The following TRDMT1 variants were observed in gnomAD, a reference collection of about 807,000 sequenced individuals.
TRDMT1 encodes tRNA (cytosine(38)-C(5))-methyltransferase.
Under a neutral mutation model 51.2 loss-of-function variants are expected in TRDMT1, and 49 were observed. That is an observed-to-expected ratio of 0.96 (90% confidence interval 0.76 to 1.21). The LOEUF is 1.21. TRDMT1 is among the 50% of genes most tolerant of loss of function. TRDMT1 has a pLI of 0.00. For synonymous variants in TRDMT1, 187 were observed against 164.6 expected, an observed-to-expected ratio of 1.14 and a Z score of -1.04; for missense variants, 534 against 462.3, an observed-to-expected ratio of 1.16 and a Z score of -1.42.
chr10:17,144,679 C>T lies in TRDMT1; in HGVS notation c.*4361G>A, dbSNP rs1297975217. 2.0e-6 allele frequency: 2 copies of T among 985,140 alleles called. No homozygotes were observed. The highest frequency in any genetic ancestry group is 2.4e-6 in the Non-Finnish European group (2 of 829,920). 61.0% of individuals were successfully genotyped at this position (985,140 alleles called of 1,614,324 possible). On this transcript the variant is annotated 3_prime_UTR_variant, in exon 11 of 11. Transcript: ENST00000377799. ...ATTTAAAAAGAAATAAATTCACAAG[C>T]TAAGACATGAATGGTGATGGAGTTT...
intron 1 of TRDMT1, among the ~76,000 whole-genome samples, chr10:17,187,959 T>C (rs1844165291): frequency 6.6e-6 from 1 of 151,296 alleles, no homozygotes; most frequent in Non-Finnish European, 1.5e-5. Context: ...CTTCATATTG[T>C]ATAATTTATA....
At chr10:17,162,108 C>T in intron 4 of TRDMT1, 58 bp downstream of exon 4, 1 of 1,456,396 alleles carries the variant, frequency 6.9e-7, no homozygotes, top group Non-Finnish European at 9.6e-7. Context: ...ACGTCACATT[C>T]TTCCAGACCT....
At position 17,153,626 on chromosome 10, in the gene TRDMT1, A is replaced by C; in HGVS notation, c.956T>G (p.Ile319Ser). ...QTAEDVQVEN[I>S]YKSLTNLSQE... ...TGACAAATTGGTAAGGGATTTGTAG[A>C]TATTCTCAACCTGTAAGAAAATACC... The change falls in exon 10 of 11, where the codon ATC becomes AGC. Residue 319 changes from isoleucine to serine, a missense_variant. By Grantham distance (142) the Ile-to-Ser change is moderately radical (BLOSUM62 -2). Transcript: ENST00000377799. 1.3e-6 allele frequency: 2 copies of C among 1,586,496 alleles called. No homozygotes were observed. The highest frequency in any genetic ancestry group is 1.7e-6 in the Non-Finnish European group (2 of 1,166,916).
At chr10:17,176,384 A>T (rs1022573268) in intron 1 of TRDMT1, among the ~76,000 whole-genome samples, 1 of 152,168 alleles carries the variant, frequency 6.6e-6, no homozygotes, top group African/African-American at 2.4e-5. Flanking sequence ...CTGCACTGTA[A>T]TCAATAATTA....
At chr10:17,196,388 C>G (rs922287482) in intron 1 of TRDMT1, among the ~76,000 whole-genome samples, 1 of 152,158 alleles carries the variant, frequency 6.6e-6, no homozygotes, top group Non-Finnish European at 1.5e-5. Context: ...CACCTTAAAC[C>G]ACACTTTACT....
At chr10:17,195,631 C>CA (rs976883052) in intron 1 of TRDMT1, among the ~76,000 whole-genome samples, 1 of 151,862 alleles carries the variant, frequency 6.6e-6, no homozygotes, top group African/African-American at 2.4e-5. Flanking sequence ...CCCCTAACCC[C>CA]AAAAAATACT....
intron 2 of TRDMT1, among the ~76,000 whole-genome samples, chr10:17,171,111 A>ATG (rs66891484): frequency 0.032 from 4,501 of 142,488 alleles, 215 homozygotes; most frequent in African/African-American, 0.11. Flanking sequence ...CTGGATTTAG[A>ATG]TGTGTGTGTG....
Position 17,141,235 on chromosome 10 carries a change from T to C in TRDMT1, c.*7805A>G, listed in dbSNP as rs1343894889. The stretch of plus-strand genomic sequence containing the variant: ...TGGAGTGCAGTGGCACGATCTCAGC[T>C]CACTGCAGTCTCCGCTCCTGGGTTC... On this transcript the variant is annotated 3_prime_UTR_variant, in exon 11 of 11. Transcript: ENST00000377799. 6.6e-6 allele frequency among the ~76,000 whole-genome samples: 1 copy of C among 152,226 alleles called. No homozygotes were observed. The highest frequency in any genetic ancestry group is 1.5e-5 in the Non-Finnish European group (1 of 68,040).
chr10:17,200,763 G>A (rs115713060), intron 1 of TRDMT1, among the ~76,000 whole-genome samples: 1 of 151,918 alleles, frequency 6.6e-6, no homozygotes, highest in African/African-American at 2.4e-5. Context: ...CAAAATCAAA[G>A]ACGTGCATAA....
At chr10:17,154,148 A>G (rs1333868847) in intron 9 of TRDMT1, among the ~76,000 whole-genome samples, 1 of 152,198 alleles carries the variant, frequency 6.6e-6, no homozygotes, top group Non-Finnish European at 1.5e-5. Flanking sequence ...TCAGTAGTTA[A>G]AAGTTTGAAT....
rs1839896275 is a variant in TRDMT1 at position 17,158,707 on chromosome 10, T to A, written c.543+439A>T. 2.0e-5 allele frequency among the ~76,000 whole-genome samples: 3 copies of A among 152,206 alleles called. No individual in the cohort carries two copies. The South Asian group carries it at 6.2e-4, about 31-fold the overall frequency. ...ATTACTATATTTTAATCAATTAAGC[T>A]AAATAGCATTGGCTTTAAAGAAAAT... On this transcript the variant is annotated intron_variant, in intron 7 of 10. Coordinates refer to ENST00000377799, the MANE Select transcript of TRDMT1 (RefSeq NM_004412.7).
intron 9 of TRDMT1, among the ~76,000 whole-genome samples, 195 bp downstream of exon 9, chr10:17,154,482 T>C (rs973994770): frequency 6.6e-6 from 1 of 152,062 alleles, no homozygotes; most frequent in African/African-American, 2.4e-5. Context: ...TCCTTGTGCA[T>C]ATACTCATGT....
rs1342972595 is a variant in TRDMT1, at chr10:17,143,805, T to C, written c.*5235A>G. 4.1e-6 allele frequency: 4 copies of C among 985,332 alleles called. No homozygotes were observed. In the East Asian group the frequency reaches 3.4e-4, roughly 84 times the overall value. 61.0% of individuals were successfully genotyped at this position (985,332 alleles called of 1,614,324 possible). A position where few individuals can be genotyped will look rare whatever the true frequency, so the allele number is the denominator to read the frequency against. On this transcript the variant is annotated 3_prime_UTR_variant, in exon 11 of 11. Transcript: ENST00000377799. Reference sequence around the variant, plus strand: ...GAAGGAAGGTGAAGATGATCTTTGGTTATGAAGCTTGAACTTGGAAGATGT... The same window carrying C: ...GAAGGAAGGTGAAGATGATCTTTGGCTATGAAGCTTGAACTTGGAAGATGT...
In TRDMT1 at chr10:17,144,340, T is replaced by G. The variant is rs1312714392; in HGVS notation, c.*4700A>C. 1 of 985,308 alleles carries G rather than the reference T, an allele frequency of 1.0e-6. No individual in the cohort carries two copies. Among genetic ancestry groups the G allele is most frequent in the Non-Finnish European group, 1.2e-6 (1 of 829,938 alleles). The allele number at this position is 985,308 out of a possible 1,614,324, so 61.0% of individuals were successfully genotyped here. On this transcript the variant is annotated 3_prime_UTR_variant, in exon 11 of 11. Transcript: ENST00000377799. ...CAGAGCAAATATTTGAAGTAAACAC[T>G]GAAGCCATGCTAGGTACAAGCAAAG...
At chr10:17,177,126 G>C (rs1842710187) in intron 1 of TRDMT1, among the ~76,000 whole-genome samples, 2 of 151,192 alleles carry the variant, frequency 1.3e-5, no homozygotes, top group African/African-American at 4.9e-5. Flanking sequence ...TTATTAACAG[G>C]AAGCCTGGTT....
chr10:17,153,661 T>C, intron 9 of TRDMT1, 25 bp from the exon 10 acceptor site: 1 of 1,541,458 alleles, frequency 6.5e-7, no homozygotes, highest in Non-Finnish European at 8.7e-7. Context: ...CCAAGATAAC[T>C]AAAAAAGTAA....
At position 17,144,219 on chromosome 10, in the gene TRDMT1, T is replaced by C; in HGVS notation, c.*4821A>G. The C allele has an allele frequency of 1.0e-6, 1 of 985,754 alleles. No homozygotes were observed. Among genetic ancestry groups the C allele is most frequent in the Non-Finnish European group, 1.2e-6 (1 of 829,942 alleles). 61.1% of individuals were successfully genotyped at this position (985,754 alleles called of 1,614,324 possible). On this transcript the variant is annotated 3_prime_UTR_variant, in exon 11 of 11. Transcript: ENST00000377799. ...CCCTCTAGGTGATCTCATCTGATTA[T>C]AGAGCTAATTTAGCTAAACAAACAT...
rs1168915603 is a variant in TRDMT1, at chr10:17,181,196, G to A, written c.65-6536C>T. ...TAAGTGCATCACACTCTCAGAGAGTGTTCTATAAAGGAAGAGAGTGGTAGT... is the reference window on the plus strand; with the variant it reads ...TAAGTGCATCACACTCTCAGAGAGTATTCTATAAAGGAAGAGAGTGGTAGT... On this transcript the variant is annotated intron_variant, in intron 1 of 10. Coordinates refer to ENST00000377799, the MANE Select transcript of TRDMT1 (RefSeq NM_004412.7). Among the ~76,000 whole-genome samples the A allele has an allele frequency of 9.2e-5, 14 of 152,310 alleles. No individual in the cohort carries two copies. The East Asian group carries it at 2.5e-3, about 27-fold the overall frequency.
chr10:17,167,696 T>C (rs953072528), intron 3 of TRDMT1, among the ~76,000 whole-genome samples: 13 of 152,194 alleles, frequency 8.5e-5, no homozygotes, highest in Non-Finnish European at 1.6e-4. Flanking sequence ...TCAGAATTAT[T>C]CAATGTACAT....
Sources: gnomAD v4.1 joint callset for allele counts (sites outside exome capture counted in the v4.1 genomes callset) on GRCh38, gnomAD v4.1.1 for gene constraint, MANE v1.5 for transcripts, NCBI Gene and HGNC (gene_info 2026-07-23, HGNC 2026-07-21) for gene names.